The following STX18 variants were observed in gnomAD, a reference collection of about 807,000 sequenced individuals.
STX18 encodes syntaxin-18.
In STX18, 40 loss-of-function variants were observed where a neutral mutation model predicts 50.1. The ratio of observed to expected loss-of-function variants is 0.80; its 90% CI spans 0.62 to 1.04. The LOEUF is 1.04. Among genes scored for constraint, STX18 ranks in the 50% least tolerant of loss-of-function variants. The probability of loss-of-function intolerance (pLI) is 0.00; values close to 1 mark genes in which losing one functional copy is unlikely to be tolerated. For synonymous variants in STX18, 158 were observed against 151.8 expected (o/e 1.04, Z -0.30); for missense variants, 410 against 415.8 (o/e 0.99, Z 0.12).
chr4:4,500,833 C>T (rs558938009), intron 1 of STX18, among the ~76,000 whole-genome samples: 3 of 152,128 alleles, frequency 2.0e-5, no homozygotes, highest in African/African-American at 7.2e-5. Flanking sequence ...GTCAGGAGTT[C>T]AAGACCAGGC....
Position 4,457,761 on chromosome 4 carries a change from G to T in STX18, c.353-261C>A, listed in dbSNP as rs1727156721. Reference sequence around the variant, plus strand: ...ACACTTAAGGATAGTATTTGACGCAGCCACTTCTTGAGTGCTGACCCCATC... The same window carrying T: ...ACACTTAAGGATAGTATTTGACGCATCCACTTCTTGAGTGCTGACCCCATC... On this transcript the variant is annotated intron_variant, in intron 3 of 10. Coordinates refer to ENST00000306200, the MANE Select transcript of STX18 (RefSeq NM_016930.4). 2.0e-5 allele frequency among the ~76,000 whole-genome samples: 3 copies of T among 152,206 alleles called. No homozygotes were observed. In the South Asian group the frequency reaches 6.2e-4, roughly 31 times the overall value.
At chr4:4,472,454 G>A (rs1436699445) in intron 1 of STX18, among the ~76,000 whole-genome samples, 2 of 152,186 alleles carry the variant, frequency 1.3e-5, no homozygotes, top group South Asian at 2.1e-4. Flanking sequence ...GTCCTCTGAC[G>A]ACGTCTTACT....
intron 4 of STX18, 69 bp from the exon 5 acceptor site, chr4:4,457,326 TATA>T (rs1560173338): frequency 1.9e-6 from 3 of 1,565,548 alleles, no homozygotes; most frequent in Non-Finnish European, 2.6e-6. Context: ...CATCATTAAA[TATA>T]ATGAGATACT....
At chr4:4,524,696 G>A (rs1209662790) in intron 1 of STX18, among the ~76,000 whole-genome samples, 1 of 152,218 alleles carries the variant, frequency 6.6e-6, no homozygotes. Flanking sequence ...ACACTGTTTG[G>A]TTCACCGAGT....
intron 1 of STX18, among the ~76,000 whole-genome samples, chr4:4,476,651 A>C (rs1305977504): frequency 1.3e-5 from 2 of 152,230 alleles, no homozygotes; most frequent in Non-Finnish European, 2.9e-5. Context: ...TAATAATGAT[A>C]TTATGTACTA....
chr4:4,521,677 A>C (rs913080600), intron 1 of STX18, among the ~76,000 whole-genome samples: 1 of 152,206 alleles, frequency 6.6e-6, no homozygotes, highest in Non-Finnish European at 1.5e-5. Flanking sequence ...CATTAAAAAA[A>C]AAATACAACT....
At chr4:4,503,085 GT>G (rs373431139) in intron 1 of STX18, among the ~76,000 whole-genome samples, 134 of 152,264 alleles carry the variant, frequency 8.8e-4, no homozygotes, top group African/African-American at 2.8e-3. Context: ...ATCTAACTGA[GT>G]TGTCGTCTGG....
At chr4:4,475,507 A>G (rs1419899410) in intron 1 of STX18, among the ~76,000 whole-genome samples, 1 of 152,158 alleles carries the variant, frequency 6.6e-6, no homozygotes, top group African/African-American at 2.4e-5. Context: ...AACAAAGAAA[A>G]AAGTTCAACA....
chr4:4,475,945 C>T (rs1188047641), intron 1 of STX18, among the ~76,000 whole-genome samples: 3 of 152,128 alleles, frequency 2.0e-5, no homozygotes, highest in Non-Finnish European at 4.4e-5. Context: ...TAAATGTTTC[C>T]ACATGCAGTG....
intron 6 of STX18, among the ~76,000 whole-genome samples, chr4:4,436,633 T>C (rs1725792208): frequency 6.6e-6 from 1 of 152,240 alleles, no homozygotes; most frequent in Admixed American, 6.5e-5. Flanking sequence ...AGAAGCCTTC[T>C]TGATAGGCTG....
intron 1 of STX18, among the ~76,000 whole-genome samples, chr4:4,480,369 T>C (rs910157962): frequency 6.6e-6 from 1 of 152,198 alleles, no homozygotes; most frequent in Non-Finnish European, 1.5e-5. Context: ...TACGCTCTGC[T>C]GCTGTCTCCA....
chr4:4,505,515 C>T (rs952965377), intron 1 of STX18, among the ~76,000 whole-genome samples: 3 of 152,104 alleles, frequency 2.0e-5, no homozygotes, highest in Admixed American at 6.5e-5. Context: ...TGTGGTGGCT[C>T]ACGCCTGCAA....
At chr4:4,463,608 C>T (rs1453868033) in intron 2 of STX18, among the ~76,000 whole-genome samples, 1 of 152,222 alleles carries the variant, frequency 6.6e-6, no homozygotes, top group African/African-American at 2.4e-5. Context: ...TTTACAACCA[C>T]CTCGTCAACC....
intron 7 of STX18, among the ~76,000 whole-genome samples, chr4:4,431,313 T>A (rs1168486627): frequency 1.3e-5 from 2 of 152,192 alleles, no homozygotes; most frequent in Non-Finnish European, 2.9e-5. Context: ...GGTATAATAT[T>A]TGGGGAAACG....
chr4:4,539,790 T>G (rs1731495973), intron 1 of STX18, among the ~76,000 whole-genome samples: 1 of 143,806 alleles, frequency 7.0e-6, no homozygotes, highest in Admixed American at 6.8e-5. Context: ...TGAGGCCCAT[T>G]AACTCAAAAC....
intron 1 of STX18, among the ~76,000 whole-genome samples, chr4:4,493,170 A>G (rs1729015761): frequency 6.6e-6 from 1 of 152,226 alleles, no homozygotes; most frequent in Non-Finnish European, 1.5e-5. Context: ...AAGTCTTTGG[A>G]GAGGCCTGAA....
chr4:4,531,232 G>A (rs748768414), intron 1 of STX18, among the ~76,000 whole-genome samples: 1 of 151,904 alleles, frequency 6.6e-6, no homozygotes, highest in Non-Finnish European at 1.5e-5. Context: ...ATTTTTTGGT[G>A]TAAAATGTTT....
At chr4:4,470,344 T>C (rs1325443289) in intron 2 of STX18, among the ~76,000 whole-genome samples, 1 of 152,168 alleles carries the variant, frequency 6.6e-6, no homozygotes, top group Non-Finnish European at 1.5e-5. Flanking sequence ...TCTCCAGACA[T>C]TGCCAAATGT....
intron 1 of STX18, among the ~76,000 whole-genome samples, chr4:4,487,088 G>A (rs982015730): frequency 1.3e-5 from 2 of 152,154 alleles, no homozygotes; most frequent in Non-Finnish European, 2.9e-5. Flanking sequence ...CTCAGGTTAA[G>A]TGCCTCTGAT....
Sources: gnomAD v4.1 joint callset for allele counts (sites outside exome capture counted in the v4.1 genomes callset) on GRCh38, gnomAD v4.1.1 for gene constraint, MANE v1.5 for transcripts, NCBI Gene and HGNC (gene_info 2026-07-23, HGNC 2026-07-21) for gene names.